PLAT: variants seen among roughly 807,000 people sequenced by gnomAD.
The protein encoded by PLAT is plasminogen activator, tissue type.
Under a neutral mutation model 74.9 loss-of-function variants are expected in PLAT, and 48 were observed. That is an observed-to-expected ratio of 0.64 (90% CI 0.51 to 0.82). PLAT has a LOEUF of 0.82. Ranked by LOEUF, PLAT falls within the 40% of genes least tolerant of loss-of-function variation. PLAT has a pLI of 0.00. For missense variants in PLAT, 673 were observed against 736.2 expected, an observed-to-expected ratio of 0.91 and a Z score of 0.99; for synonymous variants, 307 against 294.4, an observed-to-expected ratio of 1.04 and a Z score of -0.44.
chr8:42,197,632 G>A (rs1805958545), intron 1 of PLAT, among the ~76,000 whole-genome samples: 1 of 152,166 alleles, frequency 6.6e-6, no homozygotes, highest in South Asian at 2.1e-4. Flanking sequence ...ATTGGGCACA[G>A]CCCCTGGAAA....
Position 42,182,756 on chromosome 8 carries a change from C to A in PLAT, c.766G>T (p.Ala256Ser). The change falls in exon 8 of 14, where the codon GCC becomes TCC. Residue 256 changes from alanine to serine, a missense_variant. Ala to Ser is a moderately conservative substitution (Grantham distance 99). Transcript: ENST00000220809. ...GKVYTAQNPS[A>S]QALGLGKHNY... ...TGTTTGCCCAGGCCCAGTGCCTGGG[C>A]ACTGGGGTTCTGTGCTGTGTAAACC... 1 of 1,612,846 alleles carries A rather than the reference C, an allele frequency of 6.2e-7. No homozygotes were observed. Among genetic ancestry groups the A allele is most frequent in the Non-Finnish European group, 8.5e-7 (1 of 1,179,516 alleles).
intron 1 of PLAT, 143 bp from the exon 2 acceptor site, chr8:42,193,354 A>G: frequency 1.6e-6 from 1 of 608,798 alleles, no homozygotes; most frequent in Middle Eastern, 2.9e-4. Context: ...CATCTAGAAG[A>G]GGATTCTAGA....
At chr8:42,176,459 C>G (rs1280650591) in intron 13 of PLAT, among the ~76,000 whole-genome samples, 2 of 152,186 alleles carry the variant, frequency 1.3e-5, no homozygotes, top group Non-Finnish European at 2.9e-5. Context: ...AGTGGCTCTG[C>G]AATAGGATGG....
chr8:42,196,556 G>A (rs1232703507), intron 1 of PLAT, among the ~76,000 whole-genome samples: 4 of 152,186 alleles, frequency 2.6e-5, no homozygotes, highest in South Asian at 2.1e-4. Flanking sequence ...TTTCGCCTTC[G>A]CTGAAGAGGT....
intron 6 of PLAT, chr8:42,186,700 T>G (rs1282776503): frequency 6.6e-6 from 1 of 152,248 alleles, no homozygotes; most frequent in East Asian, 1.9e-4. Flanking sequence ...ATTCTCTCTC[T>G]CTCTCTATTT....
intron 13 of PLAT, among the ~76,000 whole-genome samples, chr8:42,176,478 G>T (rs1298314321): frequency 6.6e-6 from 1 of 152,204 alleles, no homozygotes; most frequent in African/African-American, 2.4e-5. Flanking sequence ...GGTGGCGTCT[G>T]TCCAGGGCTG....
At position 42,185,169 on chromosome 8, in the gene PLAT, G is replaced by A. The variant is rs8178763; in HGVS notation, c.543C>T (p.Asn181=). Residue 181 remains asparagine (N), a synonymous_variant, in exon 7 of 14, where the codon AAC becomes AAT. Transcript: ENST00000220809. ...LGLGNHNYCR[N]PDRDSKPWCY... is the part of the protein sequence containing the mutation. ...ACCAGGGCTTTGAGTCTCGATCTGG[G>A]TTTCTGAAAAATCAGCCAAGGGAAG... 86 of 1,609,492 alleles carry A rather than the reference G, an allele frequency of 5.3e-5. No individual in the cohort carries two copies. In the African/African-American group the frequency reaches 1.1e-3, roughly 20 times the overall value.
At chr8:42,178,374 G>A (rs572485022) in intron 13 of PLAT, among the ~76,000 whole-genome samples, 3 of 150,838 alleles carry the variant, frequency 2.0e-5, no homozygotes, top group South Asian at 2.1e-4. Context: ...GGGTTCAAGC[G>A]ATTCTCCTGC....
At chr8:42,206,479 T>C (rs542354653) in intron 1 of PLAT, among the ~76,000 whole-genome samples, 2 of 152,242 alleles carry the variant, frequency 1.3e-5, no homozygotes, top group East Asian at 3.9e-4. Context: ...CACCTGACAA[T>C]GGTATTTGCA....
At chr8:42,191,322 GC>G (rs771857728) in intron 3 of PLAT, 49 bp downstream of exon 3, 1 of 1,523,400 alleles carries the variant, frequency 6.6e-7, no homozygotes, top group South Asian at 1.1e-5. Flanking sequence ...CCTGCACCCC[GC>G]CCTGCCTCCC....
At chr8:42,203,544 A>T (rs1806212551) in intron 1 of PLAT, among the ~76,000 whole-genome samples, 1 of 152,058 alleles carries the variant, frequency 6.6e-6, no homozygotes, top group South Asian at 2.1e-4. Context: ...TTTCATCTTC[A>T]CTCTGTCACA....
At chr8:42,181,484 G>A (rs536938922) in intron 9 of PLAT, among the ~76,000 whole-genome samples, 192 of 152,270 alleles carry the variant, frequency 1.3e-3, no homozygotes, top group African/African-American at 4.5e-3. Context: ...GGTGCCCAGC[G>A]AGCTTGGGCA....
intron 8 of PLAT, 132 bp downstream of exon 8, chr8:42,182,587 T>G: frequency 1.5e-6 from 1 of 664,842 alleles, no homozygotes; most frequent in South Asian, 2.0e-5. Flanking sequence ...AGAGGTTGGA[T>G]TAGATAATAT....
rs140080497 is a variant in PLAT, at chr8:42,200,735, T to C, written c.-27+6759A>G. Among the ~76,000 whole-genome samples the C allele has an allele frequency of 4.3e-4, 65 of 150,924 alleles. 1 individual carries two copies. The highest frequency in any genetic ancestry group is 1.6e-3 in the African/African-American group (64 of 41,012). ...GTACGGTGACACATCTTGTGAGAGTTGGCATCAGGACTCAAGCCCAGGAGA... is the reference window on the plus strand; with the variant it reads ...GTACGGTGACACATCTTGTGAGAGTCGGCATCAGGACTCAAGCCCAGGAGA... On this transcript the variant is annotated intron_variant, in intron 1 of 13. Transcript: ENST00000220809.
At position 42,183,033 on chromosome 8, in the gene PLAT, C is replaced by T. The variant is rs1805313959; in HGVS notation, c.632-143G>A. ...GAGAAGAGTGTAACACCTCACACTT[C>T]CCCTTTTGTTGCCCAGGCTGGAGTG... On this transcript the variant is annotated intron_variant, in intron 7 of 13. Transcript: ENST00000220809. 7 of 603,310 alleles carry T rather than the reference C, an allele frequency of 1.2e-5. No homozygotes were observed. The South Asian group carries it at 1.2e-4, about 10-fold the overall frequency. The allele number at this position is 603,310 out of a possible 1,614,324, so 37.4% of individuals were successfully genotyped here. A position where few individuals can be genotyped will look rare whatever the true frequency, so the allele number is the denominator to read the frequency against.
At chr8:42,194,685 A>G (rs1805836481) in intron 1 of PLAT, among the ~76,000 whole-genome samples, 1 of 152,096 alleles carries the variant, frequency 6.6e-6, no homozygotes, top group South Asian at 2.1e-4. Flanking sequence ...CACATCATAG[A>G]GCCAGCCTGC....
intron 1 of PLAT, among the ~76,000 whole-genome samples, chr8:42,197,489 C>T (rs1430588833): frequency 6.6e-6 from 1 of 152,154 alleles, no homozygotes; most frequent in Admixed American, 6.5e-5. Flanking sequence ...TGTACTGTTT[C>T]CCAGAGCCAA....
intron 6 of PLAT, 95 bp from the exon 7 acceptor site, chr8:42,185,267 G>A (rs1805409131): frequency 1.5e-6 from 1 of 664,834 alleles, no homozygotes; most frequent in African/African-American, 1.9e-5. Flanking sequence ...TGGAGGAATG[G>A]GGGGTGCTTT....
intron 4 of PLAT, chr8:42,188,504 C>T: frequency 5.9e-6 from 1 of 170,656 alleles, no homozygotes; most frequent in East Asian, 1.6e-4. Context: ...GGCCTGGAGG[C>T]TCCTTTTGAA....
Sources: gnomAD v4.1 joint callset for allele counts (sites outside exome capture counted in the v4.1 genomes callset) on GRCh38, gnomAD v4.1.1 for gene constraint, MANE v1.5 for transcripts, NCBI Gene and HGNC (gene_info 2026-07-23, HGNC 2026-07-21) for gene names.